XCR1: variants seen among roughly 807,000 people sequenced by gnomAD.
The protein encoded by XCR1 is X-C motif chemokine receptor 1.
For missense variants in XCR1, 356 were observed against 424.2 expected, an observed-to-expected ratio of 0.84 and a Z score of 1.41; for synonymous variants, 187 against 188.5, an observed-to-expected ratio of 0.99 and a Z score of 0.06.
chr3:46,070,673 A>C (rs969757616), intron 3 of XCR1, among the ~76,000 whole-genome samples: 71 of 151,886 alleles, frequency 4.7e-4, no homozygotes, highest in African/African-American at 1.5e-3. Flanking sequence ...CAAAAAGTTG[A>C]GTTCCTCGTA....
At chr3:46,042,137 C>T (rs1317748134) in intron 5 of XCR1, among the ~76,000 whole-genome samples, 4 of 152,114 alleles carry the variant, frequency 2.6e-5, no homozygotes, top group Non-Finnish European at 4.4e-5. Flanking sequence ...AAAAGAAAAA[C>T]GCATGTCAAA....
chr3:46,056,229 G>T (rs959804882), intron 4 of XCR1, among the ~76,000 whole-genome samples: 6 of 152,140 alleles, frequency 3.9e-5, no homozygotes, highest in Non-Finnish European at 8.8e-5. Context: ...TTTTAGTAGA[G>T]ATGGGGTTTC....
chr3:46,052,323 TG>T (rs1044304208), intron 5 of XCR1, among the ~76,000 whole-genome samples: 126 of 152,308 alleles, frequency 8.3e-4, no homozygotes, highest in African/African-American at 3.0e-3. Flanking sequence ...AGGTCTGGGC[TG>T]GGGATGCCCT....
intron 5 of XCR1, among the ~76,000 whole-genome samples, chr3:46,044,276 C>A (rs745391536): frequency 1.3e-5 from 2 of 152,146 alleles, no homozygotes; most frequent in African/African-American, 2.4e-5. Context: ...GATGAGCCAC[C>A]ATGCCTGGCC....
intron 1 of XCR1, among the ~76,000 whole-genome samples, chr3:46,078,890 A>G: frequency 6.6e-6 from 1 of 152,052 alleles, no homozygotes; most frequent in East Asian, 1.9e-4. Context: ...CTCGTAGGGT[A>G]TTCCTCACCA....
intron 5 of XCR1, among the ~76,000 whole-genome samples, chr3:46,044,876 T>C (rs543085510): frequency 1.3e-5 from 2 of 152,244 alleles, no homozygotes; most frequent in East Asian, 3.9e-4. Flanking sequence ...GTCCAAAAGG[T>C]ATCCAGCCTG....
intron 4 of XCR1, among the ~76,000 whole-genome samples, chr3:46,057,882 GTCTATCTATCTATCTATCTA>G (rs147836844): frequency 2.4e-4 from 33 of 134,876 alleles, no homozygotes; most frequent in South Asian, 1.2e-3. Flanking sequence ...TTATCTGTCT[GTCTATCTATCTATCTATCTA>G]TCTATCTATC....
intron 1 of XCR1, among the ~76,000 whole-genome samples, chr3:46,027,005 T>C (rs1708306058): frequency 6.6e-6 from 1 of 152,064 alleles, no homozygotes; most frequent in African/African-American, 2.4e-5. Flanking sequence ...CTTAGCCTCC[T>C]GAGTAGCTGG....
In XCR1 at chr3:46,021,276, G is replaced by C; in HGVS notation, c.672C>G (p.Val224=). The change falls in exon 2 of 2, where the codon GTC becomes GTG. Residue 224 remains valine (V), a synonymous_variant. Transcript: ENST00000309285. The surrounding 1 kb of genome is among the most constrained non-coding windows in gnomAD (Gnocchi z 4.7). Reference sequence around the variant, plus strand: ...CCACCACGATGGCGAAGATGAGCTTGACCGTGCGGTGGCGCCGCTTGGAGC... The same window carrying C: ...CCACCACGATGGCGAAGATGAGCTTCACCGTGCGGTGGCGCCGCTTGGAGC... ...RSRSKRRHRT[V]KLIFAIVVAY... 6.2e-7 allele frequency: 1 copy of C among 1,614,204 alleles called. No homozygotes were observed. Among genetic ancestry groups the C allele is most frequent in the South Asian group, 1.1e-5 (1 of 91,070 alleles).
chr3:46,031,347 C>T (rs2088690), upstream of XCR1, among the ~76,000 whole-genome samples: 30,345 of 152,232 alleles, frequency 0.2, 4,436 homozygotes, highest in African/African-American at 0.4. Context: ...CTTCTCCCCA[C>T]TGTCACTGCC....
intron 5 of XCR1, among the ~76,000 whole-genome samples, chr3:46,047,696 GC>G (rs1207715006): frequency 6.6e-6 from 1 of 152,202 alleles, no homozygotes; most frequent in Non-Finnish European, 1.5e-5. Flanking sequence ...GTGGGCTAAA[GC>G]CTGCTCCATG....
chr3:46,055,542 A>G (rs1329753979), intron 4 of XCR1, among the ~76,000 whole-genome samples: 1 of 152,196 alleles, frequency 6.6e-6, no homozygotes, highest in African/African-American at 2.4e-5. Flanking sequence ...CAAAACCCTT[A>G]AAAACCCTAG....
chr3:46,021,238 C>A lies in XCR1; in HGVS notation c.710G>T (p.Ser237Ile), dbSNP rs1412892725. The change falls in exon 2 of 2, where the codon AGC becomes ATC. Residue 237 changes from serine to isoleucine, a missense_variant. Ser to Ile is a moderately radical substitution (Grantham distance 142). Coordinates refer to ENST00000309285, the MANE Select transcript of XCR1 (RefSeq NM_001024644.2). This position sits in a 1 kb window ranked among gnomAD's most constrained non-coding sequence, Gnocchi z 4.7. Reference protein sequence around the residue: ...IFAIVVAYFLSWGPYNFTLFL... With the variant: ...IFAIVVAYFLIWGPYNFTLFL... ...CAGGGTGAAGTTGTAGGGACCCCAG[C>A]TGAGGAAGTAGGCCACCACGATGGC... The A allele has an allele frequency of 6.2e-7, 1 of 1,614,074 alleles. No individual in the cohort carries two copies. The highest frequency in any genetic ancestry group is 8.5e-7 in the Non-Finnish European group (1 of 1,180,042).
intron 5 of XCR1, among the ~76,000 whole-genome samples, chr3:46,049,850 A>C (rs1697705827): frequency 6.6e-6 from 1 of 152,234 alleles, no homozygotes; most frequent in Non-Finnish European, 1.5e-5. Context: ...GTGGTTATCT[A>C]TAGCACCCAC....
intron 4 of XCR1, among the ~76,000 whole-genome samples, chr3:46,063,627 G>A (rs1698008003): frequency 6.6e-6 from 1 of 152,032 alleles, no homozygotes. Flanking sequence ...GCAGAGCCTC[G>A]GGTGATCTGT....
At chr3:46,074,946 T>A (rs942710208) in intron 2 of XCR1, among the ~76,000 whole-genome samples, 14 of 152,148 alleles carry the variant, frequency 9.2e-5, no homozygotes, top group Admixed American at 2.0e-4. Flanking sequence ...ATAATTTGAA[T>A]AGCCCTGTAA....
In XCR1 at chr3:46,044,146, C is replaced by A. The variant is rs548775104; in HGVS notation, c.-32+9774G>T. ...AGGTAGCTGGGATTATAGGTGTGAG[C>A]CACCACACCCAGCTAATTTTTGTAT... On this transcript the variant is annotated intron_variant, in intron 5 of 5. Transcript: ENST00000683768. 1.2e-4 allele frequency among the ~76,000 whole-genome samples: 18 copies of A among 152,248 alleles called. No individual in the cohort carries two copies. In the South Asian group the frequency reaches 3.5e-3, roughly 30 times the overall value.
At chr3:46,085,392 T>C (rs549639340) in intron 1 of XCR1, among the ~76,000 whole-genome samples, 1 of 152,312 alleles carries the variant, frequency 6.6e-6, no homozygotes, top group Non-Finnish European at 1.5e-5. Context: ...TCTTTATTCC[T>C]AACCAGCCTC....
chr3:46,068,028 C>T (rs1167104176), intron 3 of XCR1, among the ~76,000 whole-genome samples: 1 of 152,168 alleles, frequency 6.6e-6, no homozygotes, highest in East Asian at 1.9e-4. Context: ...GGAATAAGGT[C>T]ATTGGTGGAT....
Sources: gnomAD v4.1 joint callset for allele counts (sites outside exome capture counted in the v4.1 genomes callset) on GRCh38, gnomAD v4.1.1 for gene constraint, Gnocchi (gnomAD v3.1) non-coding constraint, MANE v1.5 for transcripts, NCBI Gene and HGNC (gene_info 2026-07-23, HGNC 2026-07-21) for gene names.